Variants in RGS7 observed in about 807,000 individuals in gnomAD.
RGS7 encodes the protein regulator of G protein signaling 7, also known as regulator of G-protein signaling 7.
A neutral mutation model predicts 81.1 loss-of-function variants in RGS7; 27 were observed. That is an observed-to-expected ratio of 0.33 (90% CI 0.25 to 0.46). The LOEUF is 0.46. RGS7 is among the 20% of genes least tolerant of loss of function. RGS7 has a pLI of 1.00. For missense variants in RGS7, 396 were observed against 607.4 expected (o/e 0.65, Z 3.66); for synonymous variants, 208 against 207.7 (o/e 1.00, Z -0.01).
rs139599911 is a variant in RGS7, at chr1:241,242,807, T to C, written c.78+112892A>G. 1.9e-3 allele frequency among the ~76,000 whole-genome samples: 289 copies of C among 152,338 alleles called. 1 individual carries two copies. Among genetic ancestry groups the C allele is most frequent in the African/African-American group, 6.1e-3 (252 of 41,570 alleles). On this transcript the variant is annotated intron_variant, in intron 2 of 18. Transcript: ENST00000440928. Reference sequence around the variant, plus strand: ...TTTGAGAATTGTCTATTCATGTCCTTAGTTCACTTTTTGATGAGATTGTTT... The same window carrying C: ...TTTGAGAATTGTCTATTCATGTCCTCAGTTCACTTTTTGATGAGATTGTTT...
rs558114342 is a variant in RGS7, at chr1:240,986,242, T to C, written c.176-3113A>G. 4.9e-4 allele frequency among the ~76,000 whole-genome samples: 75 copies of C among 152,270 alleles called. 2 individuals are homozygous for C. The highest frequency in any genetic ancestry group is 1.8e-3 in the African/African-American group (73 of 41,566). On this transcript the variant is annotated intron_variant, in intron 3 of 18. Transcript: ENST00000440928. ...AATCCTAGCAGTATATTATTTAAAA[T>C]GAAAACAAGCAAAAACAAACAAGCA...
intron 2 of RGS7, among the ~76,000 whole-genome samples, chr1:241,241,269 T>C (rs2076246590): frequency 6.6e-6 from 1 of 152,068 alleles, no homozygotes; most frequent in African/African-American, 2.4e-5. Context: ...CTTCTGATTC[T>C]AAGTAGAAGT....
chr1:240,997,531 A>G (rs1403440091), intron 3 of RGS7, among the ~76,000 whole-genome samples: 1 of 152,214 alleles, frequency 6.6e-6, no homozygotes, highest in Non-Finnish European at 1.5e-5. Context: ...AAACAATCAA[A>G]AAAATTCAGA....
rs186332877 is a variant in RGS7, at chr1:240,869,197, G to A, written c.451-345C>T. ...GATTTTTCGGTACCCACTTTATAGA[G>A]GAACAGAACATCAGTACATTCCTAC... On this transcript the variant is annotated intron_variant, in intron 7 of 18. Transcript: ENST00000440928. 2.6e-5 allele frequency among the ~76,000 whole-genome samples: 4 copies of A among 152,256 alleles called. No individual in the cohort carries two copies. In the East Asian group the frequency reaches 5.8e-4, roughly 22 times the overall value.
At chr1:241,310,218 T>C (rs532473967) in intron 2 of RGS7, among the ~76,000 whole-genome samples, 2 of 152,352 alleles carry the variant, frequency 1.3e-5, no homozygotes, top group East Asian at 3.9e-4. Context: ...TGTGGTCATC[T>C]TTCTCTTTAT....
At chr1:241,253,508 C>T (rs1450764947) in intron 2 of RGS7, among the ~76,000 whole-genome samples, 1 of 152,122 alleles carries the variant, frequency 6.6e-6, no homozygotes, top group Non-Finnish European at 1.5e-5. Context: ...AAGAGTCACT[C>T]CCTCCTTGAA....
At chr1:241,241,982 A>T (rs1157327817) in intron 2 of RGS7, among the ~76,000 whole-genome samples, 1 of 150,586 alleles carries the variant, frequency 6.6e-6, no homozygotes, top group Non-Finnish European at 1.5e-5. Flanking sequence ...AGGTTTTGGG[A>T]AACAGGTGGT....
chr1:240,979,412 T>C (rs560923702), intron 4 of RGS7, among the ~76,000 whole-genome samples: 1 of 152,266 alleles, frequency 6.6e-6, no homozygotes, highest in South Asian at 2.1e-4. Context: ...TTTTAAAAAC[T>C]TTAAAGCACT....
At chr1:240,939,319 G>A (rs1005493628) in intron 4 of RGS7, among the ~76,000 whole-genome samples, 10 of 152,040 alleles carry the variant, frequency 6.6e-5, no homozygotes, top group Non-Finnish European at 1.2e-4. Context: ...TTTGATCATT[G>A]CACATTTCAT....
chr1:240,938,991 C>T (rs549145070), intron 4 of RGS7, among the ~76,000 whole-genome samples: 26 of 152,050 alleles, frequency 1.7e-4, no homozygotes, highest in Non-Finnish European at 2.6e-4. Context: ...TTGGAGACAC[C>T]CACTGTCTTC....
intron 2 of RGS7, among the ~76,000 whole-genome samples, chr1:241,204,972 C>T (rs1478206231): frequency 6.6e-6 from 1 of 151,704 alleles, no homozygotes; most frequent in Non-Finnish European, 1.5e-5. Flanking sequence ...AACACAGTTA[C>T]ACAAAAGTAA....
chr1:241,290,983 T>C (rs975386927), intron 2 of RGS7, among the ~76,000 whole-genome samples: 1 of 152,228 alleles, frequency 6.6e-6, no homozygotes, highest in South Asian at 2.1e-4. Flanking sequence ...CACAGCCTAT[T>C]GCAGAGTGAA....
intron 2 of RGS7, among the ~76,000 whole-genome samples, chr1:241,262,077 A>T (rs1287192008): frequency 6.6e-6 from 1 of 152,142 alleles, no homozygotes; most frequent in Non-Finnish European, 1.5e-5. Context: ...TATGTCCTCA[A>T]AGTCTCAATT....
At position 240,933,414 on chromosome 1, in the gene RGS7, G is replaced by A. The variant is rs541167329; in HGVS notation, c.334-2646C>T. 9.2e-5 allele frequency among the ~76,000 whole-genome samples: 14 copies of A among 151,952 alleles called. 1 individual carries two copies. In the South Asian group the frequency reaches 2.9e-3, roughly 32 times the overall value. On this transcript the variant is annotated intron_variant, in intron 5 of 18. Transcript: ENST00000440928. ...TCTTCATTCTCCATCATTTACTTTA[G>A]TGAGAATTTAATGACTGTAAAATTA...
At chr1:240,821,990 A>G (rs2103152574) in intron 10 of RGS7, among the ~76,000 whole-genome samples, 1 of 152,276 alleles carries the variant, frequency 6.6e-6, no homozygotes, top group Non-Finnish European at 1.5e-5. Flanking sequence ...GTGGTGGTGA[A>G]TTTTGTGTCA....
chr1:240,847,922 A>G (rs1659390676), intron 9 of RGS7, among the ~76,000 whole-genome samples: 2 of 152,216 alleles, frequency 1.3e-5, no homozygotes, highest in Non-Finnish European at 2.9e-5. Context: ...CAACATTAGA[A>G]CATCTATTCA....
chr1:241,298,590 C>A (rs539933615), intron 2 of RGS7, among the ~76,000 whole-genome samples: 63 of 152,256 alleles, frequency 4.1e-4, no homozygotes, highest in African/African-American at 1.5e-3. Context: ...ATTATCTGTA[C>A]CCTCGGGTAT....
At chr1:241,349,909 A>C (rs1429626460) in intron 2 of RGS7, among the ~76,000 whole-genome samples, 1 of 152,214 alleles carries the variant, frequency 6.6e-6, no homozygotes, top group Non-Finnish European at 1.5e-5. Context: ...CTTCCTAAAA[A>C]TACCCTGCTT....
intron 2 of RGS7, among the ~76,000 whole-genome samples, chr1:241,353,828 T>C (rs2083397106): frequency 6.6e-6 from 1 of 152,150 alleles, no homozygotes; most frequent in African/African-American, 2.4e-5. Context: ...TATACAACAC[T>C]GTGTAGAGTA....
Sources: gnomAD v4.1 joint callset for allele counts (sites outside exome capture counted in the v4.1 genomes callset) on GRCh38, gnomAD v4.1.1 for gene constraint, MANE v1.5 for transcripts, NCBI Gene and HGNC (gene_info 2026-07-23, HGNC 2026-07-21) for gene names.